The following SPSB1 variants were observed in gnomAD, a reference collection of about 807,000 sequenced individuals.
SPSB1 encodes the protein SPRY domain-containing SOCS box protein 1.
SPSB1 carries 8 observed loss-of-function variants against 21.2 expected under a neutral mutation model. The ratio of observed to expected loss-of-function variants is 0.38; its 90% CI spans 0.22 to 0.68. The LOEUF (loss-of-function observed/expected upper bound fraction) is 0.68. SPSB1 is among the 30% of genes least tolerant of loss of function. The pLI is 0.53. For missense variants in SPSB1, 242 were observed against 377.8 expected (o/e 0.64, Z 2.98); for synonymous variants, 169 against 161.7 (o/e 1.05, Z -0.34).
intron 1 of SPSB1, among the ~76,000 whole-genome samples, chr1:9,318,857 AAG>A (rs1639658127): frequency 6.6e-6 from 1 of 152,142 alleles, no homozygotes; most frequent in Non-Finnish European, 1.5e-5. Flanking sequence ...AGGGTGACAA[AAG>A]AGGAGTCCAG....
chr1:9,354,432 C>G (rs965067245), intron 1 of SPSB1, among the ~76,000 whole-genome samples: 1 of 152,108 alleles, frequency 6.6e-6, no homozygotes. Flanking sequence ...AACCAGGCTG[C>G]CCTCCTTGGC....
At chr1:9,342,571 G>A (rs11591053) in intron 1 of SPSB1, among the ~76,000 whole-genome samples, 30,491 of 152,158 alleles carry the variant, frequency 0.2, 3,201 homozygotes, top group East Asian at 0.29. Context: ...TCCCTCTCCC[G>A]CCTCATCCTG....
chr1:9,366,084 T>C (rs550266838), intron 2 of SPSB1, among the ~76,000 whole-genome samples: 1 of 152,284 alleles, frequency 6.6e-6, no homozygotes, highest in Non-Finnish European at 1.5e-5. Flanking sequence ...CTCAGCCTCC[T>C]TTGTAGGAAG....
intron 1 of SPSB1, among the ~76,000 whole-genome samples, chr1:9,310,207 G>A (rs573644299): frequency 1.3e-5 from 2 of 152,244 alleles, no homozygotes; most frequent in South Asian, 2.1e-4. Flanking sequence ...TGCACCTGCC[G>A]TGGGAAGGCC....
chr1:9,358,774 T>A (rs2075970), intron 2 of SPSB1, among the ~76,000 whole-genome samples: 1 of 151,952 alleles, frequency 6.6e-6, no homozygotes, highest in African/African-American at 2.4e-5. Context: ...CCCCTGATGC[T>A]GTCATGAGCT....
rs763931117 is a variant in SPSB1 at position 9,356,094 on chromosome 1, A to G, written c.203A>G (p.Lys68Arg). 2 of 1,608,940 alleles carry G rather than the reference A, an allele frequency of 1.2e-6. No homozygotes were observed. The highest frequency in any genetic ancestry group is 2.2e-5 in the South Asian group (2 of 90,750). The change falls in exon 2 of 3, where the codon AAG (lysine) becomes AGG (arginine). Residue 68 changes from lysine to arginine, a missense_variant. Transcript: ENST00000328089. This position sits in a 1 kb window ranked among gnomAD's most constrained non-coding sequence, Gnocchi z 7.4. ...GACCGATCGCTCAATGTCTTTGTGA[A>G]GGAGGACGACAAGCTCATCTTTCAC... ...NNDRSLNVFVKEDDKLIFHRH... is the reference protein window; with the variant it reads ...NNDRSLNVFVREDDKLIFHRH...
At chr1:9,323,101 G>C (rs375437707) in intron 1 of SPSB1, among the ~76,000 whole-genome samples, 7 of 152,204 alleles carry the variant, frequency 4.6e-5, no homozygotes, top group African/African-American at 1.7e-4. Context: ...TCCGGCCTTC[G>C]AGGACTTTGC....
intron 1 of SPSB1, among the ~76,000 whole-genome samples, chr1:9,320,277 C>A (rs931794377): frequency 6.6e-6 from 1 of 152,224 alleles, no homozygotes; most frequent in Non-Finnish European, 1.5e-5. Context: ...GACTGCAGGG[C>A]GGTCATCAGC....
chr1:9,333,259 C>T (rs1639951174), intron 1 of SPSB1, among the ~76,000 whole-genome samples: 1 of 151,652 alleles, frequency 6.6e-6, no homozygotes, highest in African/African-American at 2.4e-5. Context: ...AGGGCCTGGT[C>T]TTATATGCAT....
At chr1:9,352,321 G>A (rs1316028081) in intron 1 of SPSB1, among the ~76,000 whole-genome samples, 1 of 152,116 alleles carries the variant, frequency 6.6e-6, no homozygotes, top group Non-Finnish European at 1.5e-5. Context: ...GGGATCCCCC[G>A]CTCCCCACCA....
At position 9,367,518 on chromosome 1, in the gene SPSB1, G is replaced by A. The variant is rs771626598; in HGVS notation, c.765G>A (p.Gly255=). ...VRLALGRERL[G]EIHTLPLPAS... The stretch of plus-strand genomic sequence containing the variant: ...TGGCCCTGGGGAGGGAGCGCCTGGG[G>A]GAGATCCACACGCTGCCGCTGCCGG... Residue 255 remains glycine, a synonymous_variant, in exon 3 of 3, where the codon GGG becomes GGA. Coordinates refer to ENST00000328089, the MANE Select transcript of SPSB1 (RefSeq NM_025106.4). The surrounding 1 kb of genome is among the most constrained non-coding windows in gnomAD (Gnocchi z 5.9). 1.2e-6 allele frequency: 2 copies of A among 1,609,738 alleles called. No individual in the cohort carries two copies. Among genetic ancestry groups the A allele is most frequent in the South Asian group, 2.2e-5 (2 of 90,850 alleles).
At chr1:9,299,978 AAAAAG>A (rs1213032934) in intron 1 of SPSB1, among the ~76,000 whole-genome samples, 3 of 151,746 alleles carry the variant, frequency 2.0e-5, no homozygotes, top group Non-Finnish European at 2.9e-5. Flanking sequence ...AAAAAAAAAA[AAAAAG>A]GGTCTCATGC....
At chr1:9,325,375 G>A (rs113999310) in intron 1 of SPSB1, among the ~76,000 whole-genome samples, 2,881 of 152,282 alleles carry the variant, frequency 0.019, 106 homozygotes, top group African/African-American at 0.067. Flanking sequence ...ATGAATGAGG[G>A]GCCTGGAAGG....
intron 1 of SPSB1, among the ~76,000 whole-genome samples, chr1:9,330,933 G>A (rs889461036): frequency 1.4e-4 from 19 of 139,210 alleles, no homozygotes; most frequent in African/African-American, 3.2e-4. Flanking sequence ...AATTTTCTGC[G>A]TCTTTTTTTT....
intron 2 of SPSB1, among the ~76,000 whole-genome samples, chr1:9,357,145 A>C (rs1393630408): frequency 1.4e-5 from 2 of 146,016 alleles, no homozygotes; most frequent in African/African-American, 5.1e-5. Flanking sequence ...GGATGGATGG[A>C]TGGGTGGATG....
intron 1 of SPSB1, among the ~76,000 whole-genome samples, chr1:9,338,202 C>T (rs544812544): frequency 6.6e-6 from 1 of 152,326 alleles, no homozygotes; most frequent in Admixed American, 6.5e-5. Context: ...CTCAGCTCTC[C>T]CCTACCCCGT....
intron 1 of SPSB1, among the ~76,000 whole-genome samples, chr1:9,313,255 C>T (rs1639554137): frequency 6.6e-6 from 1 of 152,000 alleles, no homozygotes; most frequent in Non-Finnish European, 1.5e-5. Context: ...AAAAAAGTAG[C>T]CAGACGTGGT....
At chr1:9,309,328 G>A (rs1027153423) in intron 1 of SPSB1, among the ~76,000 whole-genome samples, 3 of 137,552 alleles carry the variant, frequency 2.2e-5, no homozygotes, top group Non-Finnish European at 4.8e-5. Flanking sequence ...GTGTGTGTGT[G>A]TGTGTGAGTG....
intron 1 of SPSB1, among the ~76,000 whole-genome samples, chr1:9,322,061 C>T (rs575054237): frequency 3.4e-4 from 51 of 152,124 alleles, no homozygotes; most frequent in Non-Finnish European, 4.9e-4. Context: ...TAAATATGTG[C>T]ACTCCCCGAG....
Sources: gnomAD v4.1 joint callset for allele counts (sites outside exome capture counted in the v4.1 genomes callset) on GRCh38, gnomAD v4.1.1 for gene constraint, Gnocchi (gnomAD v3.1) non-coding constraint, MANE v1.5 for transcripts, NCBI Gene and HGNC (gene_info 2026-07-23, HGNC 2026-07-21) for gene names.